The following SCFD1 variants were observed in gnomAD, a reference collection of about 807,000 sequenced individuals.
SCFD1 encodes the protein sec1 family domain-containing protein 1.
In SCFD1, 37 loss-of-function variants were observed where a neutral mutation model predicts 103.2. The ratio of observed to expected loss-of-function variants is 0.36; its 90% CI spans 0.28 to 0.47. SCFD1 has a LOEUF of 0.47. SCFD1 is among the 20% of genes least tolerant of loss of function. SCFD1 has a pLI of 1.00. For synonymous variants in SCFD1, 264 were observed against 245.0 expected, an observed-to-expected ratio of 1.08 and a Z score of -0.73; for missense variants, 639 against 761.2, an observed-to-expected ratio of 0.84 and a Z score of 1.89.
At chr14:30,713,787 A>G (rs1195487450) in intron 19 of SCFD1, among the ~76,000 whole-genome samples, 3 of 152,148 alleles carry the variant, frequency 2.0e-5, no homozygotes, top group Non-Finnish European at 4.4e-5. Flanking sequence ...AAAGCTCTCA[A>G]TTTTCGTAAA....
Position 30,673,991 on chromosome 14 carries a change from C to A in SCFD1, c.1154C>A (p.Ala385Asp). The change falls in exon 13 of 25, where the codon GCT (alanine) becomes GAT (aspartate). Residue 385 changes from alanine to aspartate, a missense_variant. Transcript: ENST00000458591. ...GACAATACCGCTAAGCTAACATCAG[C>A]TGTTAGGTAAGTGAGCAGTATATCC... Reference protein sequence around the residue: ...LSDNTAKLTSAVSSLPELLEK... With the variant: ...LSDNTAKLTSDVSSLPELLEK... The A allele has an allele frequency of 6.2e-7, 1 of 1,611,824 alleles. No individual in the cohort carries two copies.
At chr14:30,689,884 G>A (rs1472819861) in intron 14 of SCFD1, among the ~76,000 whole-genome samples, 4 of 128,972 alleles carry the variant, frequency 3.1e-5, no homozygotes, top group Non-Finnish European at 4.9e-5. Context: ...GAGGAGAGGC[G>A]CTCTGCGTTT....
chr14:30,703,764 A>C (rs1157380017), intron 17 of SCFD1, among the ~76,000 whole-genome samples: 1 of 150,448 alleles, frequency 6.6e-6, no homozygotes, highest in African/African-American at 2.4e-5. Context: ...ATAAGAAAAA[A>C]AAATACACAA....
chr14:30,643,418 G>A lies in SCFD1; in HGVS notation c.613+13G>A. 2.0e-6 allele frequency: 3 copies of A among 1,519,474 alleles called. No individual in the cohort carries two copies. Among genetic ancestry groups the A allele is most frequent in the Non-Finnish European group, 2.7e-6 (3 of 1,094,112 alleles). The allele number at this position is 1,519,474 out of a possible 1,614,324, so 94.1% of individuals were successfully genotyped here. On this transcript the variant is annotated intron_variant, in intron 7 of 24. Transcript: ENST00000458591. ...TTTGTTACTCTGGGTAAGTTTTCCA[G>A]TCTTTCTGGTTATTCTTCAAAGTAA...
rs1248968768 is a variant in SCFD1, at chr14:30,702,332, G to A, written c.1447G>A (p.Ala483Thr). 1 of 1,602,252 alleles carries A rather than the reference G, an allele frequency of 6.2e-7. No homozygotes were observed. Residue 483 changes from alanine to threonine, a missense_variant, in exon 17 of 25, where the codon GCA becomes ACA. Physicochemically the swap from Ala to Thr is moderately conservative, Grantham distance 58. Coordinates refer to ENST00000458591, the MANE Select transcript of SCFD1 (RefSeq NM_016106.4). ...LEQYKKALTDAGCNLNPLQYI... is the reference protein window; with the variant it reads ...LEQYKKALTDTGCNLNPLQYI... Reference sequence around the variant, plus strand: ...GCAATATAAAAAAGCTTTAACTGATGCAGGATGCAACCTTAATCCTTTACA... The same window carrying A: ...GCAATATAAAAAAGCTTTAACTGATACAGGATGCAACCTTAATCCTTTACA...
At chr14:30,723,918 A>G (rs1395689681) in intron 23 of SCFD1, among the ~76,000 whole-genome samples, 1 of 152,030 alleles carries the variant, frequency 6.6e-6, no homozygotes, top group Non-Finnish European at 1.5e-5. Flanking sequence ...TATACCCAGT[A>G]ATGGGATTGC....
chr14:30,646,141 G>A (rs1194327206), intron 7 of SCFD1, among the ~76,000 whole-genome samples: 1 of 152,088 alleles, frequency 6.6e-6, no homozygotes, highest in Non-Finnish European at 1.5e-5. Context: ...TTCTGCCTCA[G>A]CCTCCCGAGT....
At chr14:30,682,924 G>A in intron 14 of SCFD1, 1 of 419,958 alleles carries the variant, frequency 2.4e-6, no homozygotes, top group Non-Finnish European at 4.2e-6. Context: ...TAATTTAAAA[G>A]ACAAAAACAA....
At chr14:30,717,956 A>G (rs1477475126) in intron 20 of SCFD1, among the ~76,000 whole-genome samples, 1 of 152,142 alleles carries the variant, frequency 6.6e-6, no homozygotes, top group Non-Finnish European at 1.5e-5. Context: ...ACTTTCTGAG[A>G]AAAGTACTAG....
intron 14 of SCFD1, among the ~76,000 whole-genome samples, chr14:30,693,176 A>G (rs1472410827): frequency 6.6e-6 from 1 of 152,192 alleles, no homozygotes. Context: ...CTGATGTAGA[A>G]TATATTGTTC....
At chr14:30,682,355 A>G (rs1290716977) in intron 14 of SCFD1, among the ~76,000 whole-genome samples, 1 of 152,170 alleles carries the variant, frequency 6.6e-6, no homozygotes, top group Non-Finnish European at 1.5e-5. Context: ...TTGGAAACCC[A>G]ACAAGTAAAT....
intron 14 of SCFD1, among the ~76,000 whole-genome samples, chr14:30,679,134 C>T (rs1889268592): frequency 6.6e-6 from 1 of 152,168 alleles, no homozygotes; most frequent in African/African-American, 2.4e-5. Context: ...AACTGATGCC[C>T]TCTGTAAACC....
At position 30,666,695 on chromosome 14, in the gene SCFD1, C is replaced by T. The variant is rs181629180; in HGVS notation, c.856-3561C>T. ...AGAAAAGAGAGAAGAATCAAATAGACGCAATAAAAAATGATAAAGGGGATA... is the reference window on the plus strand; with the variant it reads ...AGAAAAGAGAGAAGAATCAAATAGATGCAATAAAAAATGATAAAGGGGATA... On this transcript the variant is annotated intron_variant, in intron 10 of 24. Transcript: ENST00000458591. Among the ~76,000 whole-genome samples the T allele has an allele frequency of 2.3e-3, 352 of 151,986 alleles. 1 individual carries two copies. Among genetic ancestry groups the T allele is most frequent in the African/African-American group, 7.5e-3 (310 of 41,438 alleles).
intron 9 of SCFD1, 61 bp downstream of exon 9, chr14:30,650,711 CT>C (rs1886322401): frequency 1.0e-6 from 1 of 957,984 alleles, no homozygotes; most frequent in Non-Finnish European, 1.6e-6. Context: ...TTTTTTGTTA[CT>C]TTTCTTGGCT....
At chr14:30,669,501 T>C (rs1888338924) in intron 10 of SCFD1, among the ~76,000 whole-genome samples, 1 of 152,002 alleles carries the variant, frequency 6.6e-6, no homozygotes, top group Non-Finnish European at 1.5e-5. Flanking sequence ...TTTTGCCTAA[T>C]GGTTTTTGTG....
intron 14 of SCFD1, among the ~76,000 whole-genome samples, chr14:30,682,852 CT>C (rs113009474): frequency 4.0e-5 from 6 of 150,872 alleles, no homozygotes; most frequent in Admixed American, 1.3e-4. Context: ...TTGAGATATA[CT>C]TTTTTTTTAA....
intron 23 of SCFD1, among the ~76,000 whole-genome samples, chr14:30,731,839 C>A (rs981892724): frequency 2.0e-5 from 3 of 152,276 alleles, no homozygotes; most frequent in Admixed American, 1.3e-4. Flanking sequence ...ATTGAATACC[C>A]TGTATTTCTT....
chr14:30,702,438 C>G (rs1329652043), intron 17 of SCFD1, 63 bp downstream of exon 17: 1 of 992,162 alleles, frequency 1.0e-6, no homozygotes, highest in Non-Finnish European at 1.5e-6. Context: ...GCTTCATTCC[C>G]AAGAAAATGG....
intron 15 of SCFD1, among the ~76,000 whole-genome samples, chr14:30,698,503 G>C (rs549881623): frequency 6.6e-6 from 1 of 152,266 alleles, no homozygotes; most frequent in South Asian, 2.1e-4. Context: ...ATTAGAAAAG[G>C]CTGTGCTAGA....
Sources: allele counts gnomAD v4.1 joint callset (sites outside exome capture counted in the v4.1 genomes callset), GRCh38; gene constraint gnomAD v4.1.1; transcripts MANE v1.5; gene names NCBI Gene and HGNC (gene_info 2026-07-23, HGNC 2026-07-21).